The following RFT1 variants were observed in gnomAD, a reference collection of about 807,000 sequenced individuals.
The protein encoded by RFT1 is man(5)GlcNAc(2)-PP-dolichol translocation protein RFT1.
Under a neutral mutation model 62.2 loss-of-function variants are expected in RFT1, and 43 were observed. The ratio of observed to expected loss-of-function variants is 0.69; its 90% CI spans 0.54 to 0.89. The LOEUF (loss-of-function observed/expected upper bound fraction) is 0.89, where lower values mean the gene tolerates loss of function less well. RFT1 is among the 40% of genes least tolerant of loss of function. The pLI, the probability that RFT1 is intolerant of heterozygous loss-of-function variation, is 0.00. For missense variants in RFT1, 605 were observed against 649.9 expected, an observed-to-expected ratio of 0.93 and a Z score of 0.75; for synonymous variants, 262 against 264.6, an observed-to-expected ratio of 0.99 and a Z score of 0.10.
At position 53,090,609 on chromosome 3, in the gene RFT1, T is replaced by A. The variant is rs921863917; in HGVS notation, c.*1294A>T. ...CTCTGGGCAAGCAGATTTAAATACA[T>A]GCATTTTAATGCATGATAGGAGTTG... On this transcript the variant is annotated 3_prime_UTR_variant, in exon 13 of 13. Coordinates refer to ENST00000296292, the MANE Select transcript of RFT1 (RefSeq NM_052859.4). 2 of 152,224 alleles carry A rather than the reference T, an allele frequency of 1.3e-5. No homozygotes were observed. The highest frequency in any genetic ancestry group is 2.9e-5 in the Non-Finnish European group (2 of 68,050). 9.4% of individuals were successfully genotyped at this position (152,224 alleles called of 1,614,324 possible).
At chr3:53,096,807 T>A (rs1340457391) in intron 11 of RFT1, among the ~76,000 whole-genome samples, 2 of 152,146 alleles carry the variant, frequency 1.3e-5, no homozygotes, top group African/African-American at 4.8e-5. Flanking sequence ...TGCAATGGCA[T>A]GATCTCCGCT....
intron 8 of RFT1, 105 bp downstream of exon 8, chr3:53,106,714 T>TAATCTTC (rs1412944244): frequency 2.3e-6 from 2 of 879,634 alleles, no homozygotes; most frequent in African/African-American, 3.4e-5. Context: ...GGATTTTCTT[T>TAATCTTC]AATCTTCAGG....
intron 10 of RFT1, among the ~76,000 whole-genome samples, chr3:53,101,981 G>A (rs1013764269): frequency 4.7e-5 from 7 of 147,930 alleles, no homozygotes; most frequent in Middle Eastern, 3.5e-3. Flanking sequence ...AGGCTGCAGT[G>A]AGCCGAGATC....
rs483352764 is a variant in RFT1 at position 53,103,953 on chromosome 3, C to T, written c.1102G>A (p.Gly368Ser). ...YGGTMLSSGS[G>S]PVLLRSYCLY... ...AATCCAGAAAAACTCTTGTGCGTAC[C>T]GGATCCTGAGCTAAGCATGGTCCCT... The change falls in exon 10 of 13, where the codon GGT (glycine) becomes AGT (serine). Residue 368 changes from glycine to serine, a missense_variant and splice_region_variant. Transcript: ENST00000296292. The T allele has an allele frequency of 1.5e-5, 25 of 1,614,170 alleles. No individual in the cohort carries two copies. Among genetic ancestry groups the T allele is most frequent in the Non-Finnish European group, 2.1e-5 (25 of 1,180,024 alleles).
At position 53,114,975 on chromosome 3, in the gene RFT1, C is replaced by T. The variant is rs145507306; in HGVS notation, c.697-3067G>A. 1.1e-4 allele frequency among the ~76,000 whole-genome samples: 17 copies of T among 152,252 alleles called. No homozygotes were observed. In the East Asian group the frequency reaches 2.5e-3, roughly 23 times the overall value. On this transcript the variant is annotated intron_variant, in intron 6 of 12. Coordinates refer to ENST00000296292, the MANE Select transcript of RFT1 (RefSeq NM_052859.4). ...CACTGCCCTCTGTCACCTCCTCCAC[C>T]CTACAGAGCACTCCTTCCTCTCCCT...
chr3:53,129,033 G>A (rs1272984772), intron 1 of RFT1, among the ~76,000 whole-genome samples: 1 of 151,848 alleles, frequency 6.6e-6, no homozygotes. Context: ...GCCTATCTGA[G>A]TAGTAAGATA....
intron 5 of RFT1, 119 bp downstream of exon 5, chr3:53,121,580 T>G (rs1274969254): frequency 3.7e-6 from 3 of 813,662 alleles, no homozygotes; most frequent in Admixed American, 4.1e-5. Flanking sequence ...CTTCTGGTGC[T>G]TCCACCTCCT....
chr3:53,096,741 C>T (rs1027320720), intron 11 of RFT1, among the ~76,000 whole-genome samples: 1 of 151,786 alleles, frequency 6.6e-6, no homozygotes, highest in Non-Finnish European at 1.5e-5. Flanking sequence ...CAACCAAATG[C>T]TCTCTTCTCT....
rs758627989 is a variant in RFT1 at position 53,096,551 on chromosome 3, C to T, written c.1208+2830G>A. On this transcript the variant is annotated intron_variant, in intron 11 of 12. Coordinates refer to ENST00000296292, the MANE Select transcript of RFT1 (RefSeq NM_052859.4). ...AAAAATAAAATTAGCTGGGCATGGT[C>T]GCACACCTGTAATCCCAGCTAATCG... 4.6e-5 allele frequency among the ~76,000 whole-genome samples: 7 copies of T among 151,834 alleles called. No homozygotes were observed. In the South Asian group the frequency reaches 6.3e-4, roughly 14 times the overall value.
At chr3:53,124,658 G>T (rs1022327772) in intron 2 of RFT1, among the ~76,000 whole-genome samples, 1 of 152,134 alleles carries the variant, frequency 6.6e-6, no homozygotes, top group Non-Finnish European at 1.5e-5. Flanking sequence ...CTTCCTTCCT[G>T]CTTTTAAAAC....
the RFT1 span, among the ~76,000 whole-genome samples, chr3:53,071,065 G>C: frequency 1.3e-5 from 2 of 152,002 alleles, no homozygotes; most frequent in Non-Finnish European, 2.9e-5. Flanking sequence ...GAAAATTCTG[G>C]AATTTTTTGT....
chr3:53,129,277 AAGTACTTGT>A (rs1702194017), intron 1 of RFT1, among the ~76,000 whole-genome samples: 1 of 152,246 alleles, frequency 6.6e-6, no homozygotes, highest in Admixed American at 6.5e-5. Flanking sequence ...TACATTTATT[AAGTACTTGT>A]AGTGTGCCAG....
At chr3:53,096,365 T>C (rs1039984660) in intron 11 of RFT1, among the ~76,000 whole-genome samples, 1 of 151,640 alleles carries the variant, frequency 6.6e-6, no homozygotes, top group African/African-American at 2.4e-5. Context: ...TCAGATTCTA[T>C]ATATATTATG....
At chr3:53,113,923 C>T (rs574016202) in intron 6 of RFT1, among the ~76,000 whole-genome samples, 1 of 152,288 alleles carries the variant, frequency 6.6e-6, no homozygotes, top group Admixed American at 6.5e-5. Flanking sequence ...ACAGGGAGTG[C>T]AAGTGTGAAT....
In RFT1 at chr3:53,103,997, A is replaced by AGCTGAGAATAG; in HGVS notation, c.1047_1057dup (p.Leu353ProfsTer39). ...GGTCCCTCCGTAGATATCCAGAGCC[A>AGCTGAGAATAG]GCTGAGAATAGGCAAAGCCAAAAAC... On this transcript the variant is annotated frameshift_variant, in exon 10 of 13. Coordinates refer to ENST00000296292, the MANE Select transcript of RFT1 (RefSeq NM_052859.4). LOFTEE classifies it high-confidence loss of function. 6.2e-7 allele frequency: 1 copy of AGCTGAGAATAG among 1,614,246 alleles called. No homozygotes were observed. The highest frequency in any genetic ancestry group is 8.5e-7 in the Non-Finnish European group (1 of 1,180,038).
the RFT1 span, among the ~76,000 whole-genome samples, chr3:53,074,608 G>C: frequency 1.2e-4 from 18 of 152,238 alleles, no homozygotes; most frequent in Admixed American, 2.0e-4. Context: ...GGTTGGCAGA[G>C]ACCACATTGC....
the RFT1 span, among the ~76,000 whole-genome samples, chr3:53,080,238 C>T: frequency 2.0e-5 from 3 of 152,172 alleles, no homozygotes; most frequent in Non-Finnish European, 2.9e-5. Context: ...CCCTTCTTGT[C>T]CTGGGGAGGT....
Position 53,125,915 on chromosome 3 carries a change from T to A in RFT1, c.143A>T (p.Asn48Ile). 1 of 1,613,368 alleles carries A rather than the reference T, an allele frequency of 6.2e-7. No homozygotes were observed. The highest frequency in any genetic ancestry group is 8.5e-7 in the Non-Finnish European group (1 of 1,179,496). Residue 48 changes from asparagine to isoleucine, a missense_variant, in exon 2 of 13, where the codon AAT becomes ATT. By Grantham distance (149) the Asn-to-Ile change is moderately radical (BLOSUM62 -3). Coordinates refer to ENST00000296292, the MANE Select transcript of RFT1 (RefSeq NM_052859.4). ...FLSKEIVGVV[N>I]VRLTLLYSTT... is the part of the protein sequence containing the mutation. The stretch of plus-strand genomic sequence containing the variant: ...AGGGTGCATCTCCTCCTACCTTACA[T>A]TTACTACGCCAACGATTTCCTTTGA...
chr3:53,081,524 A>T, the RFT1 span, among the ~76,000 whole-genome samples: 1 of 152,130 alleles, frequency 6.6e-6, no homozygotes, highest in African/African-American at 2.4e-5. Context: ...TTTGCCTCCC[A>T]TTTCTGTTCT....
Sources: gnomAD v4.1 joint callset for allele counts (sites outside exome capture counted in the v4.1 genomes callset) on GRCh38, gnomAD v4.1.1 for gene constraint, MANE v1.5 for transcripts, NCBI Gene and HGNC (gene_info 2026-07-23, HGNC 2026-07-21) for gene names.